Variants in STARD13 observed in about 807,000 individuals in gnomAD.
STARD13 encodes the protein stAR-related lipid transfer protein 13.
A neutral mutation model predicts 106.4 loss-of-function variants in STARD13; 62 were observed. The observed-to-expected ratio is 0.58, with a 90% confidence interval of 0.48 to 0.72. The LOEUF (loss-of-function observed/expected upper bound fraction) is 0.72, where lower values mean the gene tolerates loss of function less well. STARD13 is among the 30% of genes least tolerant of loss of function. The pLI, the probability that STARD13 is intolerant of heterozygous loss-of-function variation, is 0.00. For synonymous variants in STARD13, 565 were observed against 553.0 expected (o/e 1.02, Z -0.31); for missense variants, 1,387 against 1,424.0 (o/e 0.97, Z 0.42).
At chr13:33,316,405 T>C (rs1893339888) in intron 1 of STARD13, among the ~76,000 whole-genome samples, 2 of 152,232 alleles carry the variant, frequency 1.3e-5, no homozygotes, top group South Asian at 4.1e-4. Flanking sequence ...TTGGTTCTGA[T>C]TAGTAAATAA....
rs1874427307 is a variant in STARD13 at position 33,110,801 on chromosome 13, G to A, written c.2714C>T (p.Thr905Ile). ...LGTQLEESGA[T>I]FHTYLNHLIQ... ...GAGATGGTTCAGGTAAGTGTGGAAA[G>A]TTGCCCCACTCTCCTCCAGCTGTGT... The change falls in exon 11 of 14, where the codon ACT becomes ATT. Residue 905 changes from threonine (T) to isoleucine (I), a missense_variant. By Grantham distance (89) the Thr-to-Ile change is moderately conservative. Coordinates refer to ENST00000336934, the MANE Select transcript of STARD13 (RefSeq NM_178006.4). The A allele has an allele frequency of 6.2e-7, 1 of 1,614,182 alleles. No individual in the cohort carries two copies. The highest frequency in any genetic ancestry group is 8.5e-7 in the Non-Finnish European group (1 of 1,180,006).
the STARD13 span, among the ~76,000 whole-genome samples, chr13:33,528,243 CATATATATATATACATAT>C: frequency 1.1e-5 from 1 of 93,484 alleles, no homozygotes; most frequent in Non-Finnish European, 2.0e-5. Flanking sequence ...TATATATATA[CATATATATATATACATAT>C]ATATATATAT....
chr13:33,233,683 C>G (rs946739871), intron 1 of STARD13, among the ~76,000 whole-genome samples: 1 of 152,256 alleles, frequency 6.6e-6, no homozygotes, highest in Non-Finnish European at 1.5e-5. Context: ...CCACCCCACA[C>G]GATGAGGCAA....
intron 3 of STARD13, among the ~76,000 whole-genome samples, chr13:33,142,638 C>G (rs891175750): frequency 6.6e-6 from 1 of 152,162 alleles, no homozygotes; most frequent in African/African-American, 2.4e-5. Flanking sequence ...GCTTCTCTTT[C>G]CACTGTTCTT....
At chr13:33,512,831 A>T in the STARD13 span, among the ~76,000 whole-genome samples, 1 of 152,114 alleles carries the variant, frequency 6.6e-6, no homozygotes, top group Admixed American at 6.6e-5. Context: ...CCAGCAAACC[A>T]CTAGAAGATA....
the STARD13 span, among the ~76,000 whole-genome samples, chr13:33,534,362 T>C: frequency 6.6e-6 from 1 of 152,184 alleles, no homozygotes. Context: ...CTGTGTAAAG[T>C]TTCCTCTAAG....
chr13:33,492,335 CTGAGT>C, the STARD13 span, among the ~76,000 whole-genome samples: 3 of 152,178 alleles, frequency 2.0e-5, no homozygotes, highest in East Asian at 3.9e-4. Flanking sequence ...TTCATTGATT[CTGAGT>C]TAAGTATTAT....
the STARD13 span, among the ~76,000 whole-genome samples, chr13:33,567,026 A>G: frequency 6.8e-6 from 1 of 148,116 alleles, no homozygotes; most frequent in Admixed American, 6.9e-5. Context: ...TAATATTCCC[A>G]TAGTGCAATT....
chr13:33,159,258 A>G (rs1292163924), intron 3 of STARD13, among the ~76,000 whole-genome samples: 1 of 152,170 alleles, frequency 6.6e-6, no homozygotes, highest in Admixed American at 6.5e-5. Flanking sequence ...GGACGACACT[A>G]GTATTATTAT....
At chr13:33,474,186 T>A in the STARD13 span, among the ~76,000 whole-genome samples, 1 of 152,232 alleles carries the variant, frequency 6.6e-6, no homozygotes, top group East Asian at 1.9e-4. Flanking sequence ...TATCCAGGCT[T>A]TTATGCTGCT....
chr13:33,590,120 A>G, the STARD13 span, among the ~76,000 whole-genome samples: 2 of 152,136 alleles, frequency 1.3e-5, no homozygotes, highest in African/African-American at 4.8e-5. Flanking sequence ...AGTGGCTCTC[A>G]GAGAAATGCA....
the STARD13 span, among the ~76,000 whole-genome samples, chr13:33,360,483 C>T: frequency 6.6e-6 from 1 of 151,894 alleles, no homozygotes; most frequent in Non-Finnish European, 1.5e-5. Flanking sequence ...GGATTACAGG[C>T]GTGAGCCACT....
At chr13:33,579,231 G>A in the STARD13 span, among the ~76,000 whole-genome samples, 1 of 152,174 alleles carries the variant, frequency 6.6e-6, no homozygotes, top group East Asian at 1.9e-4. Context: ...GTTCACAATT[G>A]CAAAGATGTG....
intron 1 of STARD13, among the ~76,000 whole-genome samples, chr13:33,303,003 A>G (rs928343359): frequency 7.2e-5 from 11 of 152,112 alleles, no homozygotes; most frequent in Admixed American, 6.5e-4. Flanking sequence ...AAACCTTTGA[A>G]ATCATTCATG....
chr13:33,198,830 G>A lies in STARD13; in HGVS notation c.170-31208C>T, dbSNP rs192787269. On this transcript the variant is annotated intron_variant, in intron 1 of 13. Transcript: ENST00000336934. ...ATGGTGCTACTGCATCTTCTCTAATGCACTTTCTACCAAAATATTCATCCT... is the reference window on the plus strand; with the variant it reads ...ATGGTGCTACTGCATCTTCTCTAATACACTTTCTACCAAAATATTCATCCT... 4.0e-3 allele frequency among the ~76,000 whole-genome samples: 613 copies of A among 152,228 alleles called. 14 individuals carry two copies. The highest frequency in any genetic ancestry group is 9.7e-4 in the East Asian group (5 of 5,180).
At chr13:33,339,400 TAC>T (rs2077934321) in intron 1 of STARD13, among the ~76,000 whole-genome samples, 1 of 152,250 alleles carries the variant, frequency 6.6e-6, no homozygotes, top group Admixed American at 6.5e-5. Context: ...TAAGACACTG[TAC>T]AATCTATGCT....
chr13:33,165,695 C>T (rs760018674), intron 2 of STARD13, among the ~76,000 whole-genome samples: 2 of 152,204 alleles, frequency 1.3e-5, no homozygotes, highest in Non-Finnish European at 2.9e-5. Flanking sequence ...TTATTACAGT[C>T]TTAGGTGGAT....
chr13:33,239,002 T>C (rs1889333040), intron 1 of STARD13, among the ~76,000 whole-genome samples: 1 of 152,100 alleles, frequency 6.6e-6, no homozygotes, highest in African/African-American at 2.4e-5. Context: ...ACTGAAATTC[T>C]ATATCAATTA....
At chr13:33,615,546 A>G in the STARD13 span, among the ~76,000 whole-genome samples, 146 of 152,340 alleles carry the variant, frequency 9.6e-4, no homozygotes, top group Middle Eastern at 3.4e-3. Flanking sequence ...GCTAAGACAG[A>G]ACTGGGTTGT....
Sources: gnomAD v4.1 joint callset for allele counts (sites outside exome capture counted in the v4.1 genomes callset) on GRCh38, gnomAD v4.1.1 for gene constraint, MANE v1.5 for transcripts, NCBI Gene and HGNC (gene_info 2026-07-23, HGNC 2026-07-21) for gene names.